Variants in IMPG1 observed in about 807,000 individuals in gnomAD.
IMPG1 encodes the protein interphotoreceptor matrix proteoglycan 1.
Under a neutral mutation model 92.0 loss-of-function variants are expected in IMPG1, and 85 were observed. That is an observed-to-expected ratio of 0.92 (90% CI 0.78 to 1.11). The LOEUF (loss-of-function observed/expected upper bound fraction) is 1.11, where lower values mean the gene tolerates loss of function less well. IMPG1 is among the 50% of genes least tolerant of loss of function. The pLI, the probability that IMPG1 is intolerant of heterozygous loss-of-function variation, is 0.00. For missense variants in IMPG1, 1,022 were observed against 956.0 expected (o/e 1.07, Z -0.91); for synonymous variants, 367 against 334.1 (o/e 1.10, Z -1.08).
intron 12 of IMPG1, among the ~76,000 whole-genome samples, chr6:75,975,859 T>C (rs1416570750): frequency 6.6e-6 from 1 of 152,238 alleles, no homozygotes; most frequent in Non-Finnish European, 1.5e-5. Context: ...CGTAAGTGAA[T>C]GGGCATGGCT....
intron 14 of IMPG1, among the ~76,000 whole-genome samples, chr6:75,936,187 T>C (rs1420096042): frequency 6.6e-6 from 1 of 152,218 alleles, no homozygotes; most frequent in Non-Finnish European, 1.5e-5. Flanking sequence ...GGCTCTCACT[T>C]TTCTCTTCCA....
rs1191479265 is a variant in IMPG1, at chr6:75,924,706, A to ATATCATATAATTATATT, written c.2244-1001_2244-1000insAATATAATTATATGATA. Among the ~76,000 whole-genome samples, 12 of 1,570 alleles carry ATATCATATAATTATATT rather than the reference A, an allele frequency of 7.6e-3. 2 individuals carry two copies. Among genetic ancestry groups the ATATCATATAATTATATT allele is most frequent in the Non-Finnish European group, 0.016 (11 of 688 alleles). 1.0% of individuals were successfully genotyped at this position (1,570 alleles called of 152,430 possible). ...ATATTATATATAAATAATTATATAT[A>ATATCATATAATTATATT]ATATATAATATATAATATAATTATA... On this transcript the variant is annotated intron_variant, in intron 15 of 16. Coordinates refer to ENST00000369950, the MANE Select transcript of IMPG1 (RefSeq NM_001563.4).
chr6:75,972,240 C>A (rs1322140966), intron 12 of IMPG1, among the ~76,000 whole-genome samples: 1 of 152,108 alleles, frequency 6.6e-6, no homozygotes, highest in Non-Finnish European at 1.5e-5. Flanking sequence ...CTGTAGGAAC[C>A]AAAAAGTGCC....
chr6:76,067,477 G>T (rs559631157), intron 1 of IMPG1, among the ~76,000 whole-genome samples: 9 of 151,954 alleles, frequency 5.9e-5, no homozygotes, highest in African/African-American at 1.4e-4. Flanking sequence ...ACTTCTCAAG[G>T]TTGAACCAGG....
chr6:76,046,842 C>T (rs1417006957), intron 1 of IMPG1, among the ~76,000 whole-genome samples: 3 of 152,154 alleles, frequency 2.0e-5, no homozygotes, highest in Non-Finnish European at 4.4e-5. Context: ...ATCACTCTTC[C>T]TTTCCTTACC....
chr6:76,014,085 T>C (rs1489383478), intron 7 of IMPG1, among the ~76,000 whole-genome samples: 1 of 152,244 alleles, frequency 6.6e-6, no homozygotes, highest in East Asian at 1.9e-4. Flanking sequence ...TGCAAGATCC[T>C]GAGTTTATTG....
intron 1 of IMPG1, among the ~76,000 whole-genome samples, chr6:76,065,703 C>A (rs1784297519): frequency 6.6e-6 from 1 of 152,000 alleles, no homozygotes; most frequent in South Asian, 2.1e-4. Context: ...GAAATTTAGA[C>A]ATCCAGTTAT....
At chr6:75,964,991 T>TC (rs1232709112) in intron 12 of IMPG1, among the ~76,000 whole-genome samples, 87 of 152,328 alleles carry the variant, frequency 5.7e-4, no homozygotes, top group African/African-American at 2.0e-3. Context: ...TCTTACTCAG[T>TC]ATAACTCTGG....
rs1781436926 is a variant in IMPG1 at position 75,921,896 on chromosome 6, T to C, written c.*193A>G. ...TTGGGGTTTTAATAATAAGTAAGTG[T>C]CTTTTTCTTCAGAATTTACTGGTTG... On this transcript the variant is annotated 3_prime_UTR_variant, in exon 17 of 17. Transcript: ENST00000369950. The C allele has an allele frequency of 2.4e-6, 1 of 425,290 alleles. No homozygotes were observed. Among genetic ancestry groups the C allele is most frequent in the Admixed American group, 4.7e-5 (1 of 21,408 alleles). 26.3% of individuals were successfully genotyped at this position (425,290 alleles called of 1,614,324 possible).
chr6:76,050,999 A>G (rs1784034613), intron 1 of IMPG1, among the ~76,000 whole-genome samples: 1 of 152,372 alleles, frequency 6.6e-6, no homozygotes, highest in East Asian at 1.9e-4. Flanking sequence ...TAGCACGACC[A>G]GAGACAAAAT....
chr6:75,929,227 G>A (rs1450631703), intron 15 of IMPG1, among the ~76,000 whole-genome samples: 2 of 152,146 alleles, frequency 1.3e-5, no homozygotes, highest in Non-Finnish European at 2.9e-5. Context: ...AGCAATGCTT[G>A]ATGGATCTAG....
chr6:76,063,234 A>T (rs1169037153), intron 1 of IMPG1, among the ~76,000 whole-genome samples: 5 of 151,702 alleles, frequency 3.3e-5, no homozygotes, highest in Non-Finnish European at 7.4e-5. Flanking sequence ...ATAAAATGAA[A>T]TAAATTAAAT....
intron 12 of IMPG1, among the ~76,000 whole-genome samples, chr6:75,973,129 T>G (rs535399728): frequency 6.6e-6 from 1 of 152,262 alleles, no homozygotes; most frequent in African/African-American, 2.4e-5. Flanking sequence ...GGGGACATAC[T>G]ATCATGCCTG....
chr6:75,965,657 G>A (rs1782294852), intron 12 of IMPG1, among the ~76,000 whole-genome samples: 1 of 128,578 alleles, frequency 7.8e-6, no homozygotes. Context: ...GCTCAGGCTG[G>A]AGTGCAGTGT....
At chr6:76,061,418 C>G (rs3778101) in intron 1 of IMPG1, among the ~76,000 whole-genome samples, 7,605 of 152,198 alleles carry the variant, frequency 0.05, 288 homozygotes, top group Admixed American at 0.092. Flanking sequence ...CATTAGGCAG[C>G]TATCTCAGGT....
At chr6:76,032,748 T>G (rs1452980920) in intron 4 of IMPG1, among the ~76,000 whole-genome samples, 1 of 151,948 alleles carries the variant, frequency 6.6e-6, no homozygotes, top group Non-Finnish European at 1.5e-5. Context: ...TTTGGATAGA[T>G]GGAGTGGAAA....
chr6:76,030,795 A>G (rs1478335340), intron 4 of IMPG1, among the ~76,000 whole-genome samples: 3 of 152,152 alleles, frequency 2.0e-5, no homozygotes, highest in Admixed American at 6.5e-5. Context: ...CTTTGTCTTT[A>G]TTCTTAATCC....
intron 1 of IMPG1, among the ~76,000 whole-genome samples, chr6:76,057,365 T>C (rs1451551174): frequency 6.6e-6 from 1 of 152,162 alleles, no homozygotes; most frequent in Non-Finnish European, 1.5e-5. Flanking sequence ...ATGAGGCATG[T>C]AGCAGTGGGG....
Position 75,979,378 on chromosome 6 carries a change from G to A in IMPG1, c.1291+23540C>T, listed in dbSNP as rs1782592062. Among the ~76,000 whole-genome samples the A allele has an allele frequency of 2.0e-5, 3 of 152,192 alleles. No homozygotes were observed. In the South Asian group the frequency reaches 6.2e-4, roughly 32 times the overall value. ...GGATGGAAAAGGGGTGTGGAGAGGG[G>A]ACATCCAATGAAGTGGCAGTGCTGA... On this transcript the variant is annotated intron_variant, in intron 12 of 16. Transcript: ENST00000369950.
Sources: gnomAD v4.1 joint callset for allele counts (sites outside exome capture counted in the v4.1 genomes callset) on GRCh38, gnomAD v4.1.1 for gene constraint, MANE v1.5 for transcripts, NCBI Gene and HGNC (gene_info 2026-07-23, HGNC 2026-07-21) for gene names.